Variants in IKZF2 observed in about 807,000 individuals in gnomAD.
IKZF2 encodes IKAROS family zinc finger 2.
In IKZF2, 15 loss-of-function variants were observed where a neutral mutation model predicts 49.2. The observed-to-expected ratio is 0.30, with a 90% confidence interval of 0.20 to 0.47. The LOEUF (loss-of-function observed/expected upper bound fraction) is 0.47. Among genes scored for constraint, IKZF2 ranks in the 20% least tolerant of loss-of-function variants. The pLI is 1.00. For synonymous variants in IKZF2, 227 were observed against 221.4 expected (o/e 1.03, Z -0.23); for missense variants, 567 against 664.6 (o/e 0.85, Z 1.61).
At chr2:213,027,869 T>C (rs753536470) in intron 6 of IKZF2, among the ~76,000 whole-genome samples, 1 of 152,142 alleles carries the variant, frequency 6.6e-6, no homozygotes, top group Non-Finnish European at 1.5e-5. Flanking sequence ...CGTATGTCTC[T>C]GGTCTAAAGT....
At chr2:213,085,992 G>A (rs1704542078) in intron 4 of IKZF2, among the ~76,000 whole-genome samples, 1 of 152,086 alleles carries the variant, frequency 6.6e-6, no homozygotes, top group Non-Finnish European at 1.5e-5. Context: ...GTTCTGCAGT[G>A]GTGAGACGTG....
rs1695074206 is a variant in IKZF2 at position 213,003,515 on chromosome 2, GC to G, written c.*3844del. Reference sequence around the variant, plus strand: ...CCAAAGTTAAAAAACAAATCATGTAGCTAGTACCTCTGACAGTTTAAGTTCT... The same window carrying G: ...CCAAAGTTAAAAAACAAATCATGTAGTAGTACCTCTGACAGTTTAAGTTCT... On this transcript the variant is annotated 3_prime_UTR_variant, in exon 9 of 9. Coordinates refer to ENST00000434687, the MANE Select transcript of IKZF2 (RefSeq NM_001387220.1). 1 of 151,568 alleles carries G rather than the reference GC, an allele frequency of 6.6e-6. No individual in the cohort carries two copies. The highest frequency in any genetic ancestry group is 2.4e-5 in the African/African-American group (1 of 41,364). The allele number at this position is 151,568 out of a possible 1,614,324, so 9.4% of individuals were successfully genotyped here.
At chr2:213,131,268 G>A (rs2060465902) in intron 4 of IKZF2, among the ~76,000 whole-genome samples, 1 of 152,148 alleles carries the variant, frequency 6.6e-6, no homozygotes, top group Non-Finnish European at 1.5e-5. Flanking sequence ...TTAAGGGAGA[G>A]CCATTTGATT....
intron 4 of IKZF2, among the ~76,000 whole-genome samples, chr2:213,098,205 C>G (rs1439603621): frequency 2.6e-5 from 4 of 151,968 alleles, no homozygotes; most frequent in African/African-American, 9.7e-5. Context: ...TTAAACATAT[C>G]CAGATGATTC....
At chr2:213,074,884 A>G (rs575760537) in intron 4 of IKZF2, among the ~76,000 whole-genome samples, 6 of 152,332 alleles carry the variant, frequency 3.9e-5, no homozygotes, top group South Asian at 4.1e-4. Context: ...ATGGTTATTA[A>G]ACGTAAGCCT....
intron 5 of IKZF2, among the ~76,000 whole-genome samples, chr2:213,056,236 C>A (rs1325248050): frequency 7.1e-6 from 1 of 141,818 alleles, no homozygotes; most frequent in East Asian, 1.9e-4. Flanking sequence ...ATATTCCAAC[C>A]TACACACCAG....
At chr2:213,143,012 T>C (rs2060925864) in intron 4 of IKZF2, among the ~76,000 whole-genome samples, 1 of 151,760 alleles carries the variant, frequency 6.6e-6, no homozygotes, top group Non-Finnish European at 1.5e-5. Flanking sequence ...AACAAATACA[T>C]TTAACATAAA....
chr2:213,053,647 G>A (rs1700879734), intron 5 of IKZF2, among the ~76,000 whole-genome samples: 1 of 152,164 alleles, frequency 6.6e-6, no homozygotes, highest in Non-Finnish European at 1.5e-5. Context: ...AGATTAAGGA[G>A]AGGCAAAATT....
chr2:213,032,369 T>C (rs1267624798), intron 6 of IKZF2, among the ~76,000 whole-genome samples: 1 of 152,190 alleles, frequency 6.6e-6, no homozygotes, highest in Non-Finnish European at 1.5e-5. Context: ...CCATAATCTA[T>C]TAAGTGTGCA....
intron 4 of IKZF2, among the ~76,000 whole-genome samples, chr2:213,121,873 T>C (rs976831778): frequency 1.3e-5 from 2 of 152,248 alleles, no homozygotes; most frequent in African/African-American, 4.8e-5. Context: ...TGTCAACAGA[T>C]GCACAAACTC....
At chr2:213,032,971 T>C (rs372963840) in intron 6 of IKZF2, among the ~76,000 whole-genome samples, 5 of 152,312 alleles carry the variant, frequency 3.3e-5, no homozygotes, top group African/African-American at 1.2e-4. Context: ...TTACCCAGAG[T>C]AGAATTTCTT....
At chr2:213,029,294 T>C (rs1698154077) in intron 6 of IKZF2, among the ~76,000 whole-genome samples, 1 of 152,062 alleles carries the variant, frequency 6.6e-6, no homozygotes, top group South Asian at 2.1e-4. Context: ...AGTGAAGTCA[T>C]CTGGAGTTTT....
intron 4 of IKZF2, among the ~76,000 whole-genome samples, chr2:213,136,035 C>A (rs1393956233): frequency 7.6e-6 from 1 of 132,092 alleles, no homozygotes; most frequent in Non-Finnish European, 1.5e-5. Context: ...GGCTACAGAG[C>A]GAGACTCCGT....
At chr2:213,106,404 C>T (rs905894351) in intron 4 of IKZF2, among the ~76,000 whole-genome samples, 1 of 151,678 alleles carries the variant, frequency 6.6e-6, no homozygotes, top group African/African-American at 2.4e-5. Flanking sequence ...TTTGGGAGGC[C>T]GCGGCTGGAG....
At chr2:213,132,317 TC>T (rs2125901773) in intron 4 of IKZF2, among the ~76,000 whole-genome samples, 1 of 143,994 alleles carries the variant, frequency 6.9e-6, no homozygotes, top group African/African-American at 2.6e-5. Context: ...GATAAAGGCA[TC>T]CAAAAAAAAA....
chr2:213,028,870 A>G (rs974696636), intron 6 of IKZF2, among the ~76,000 whole-genome samples: 1 of 152,104 alleles, frequency 6.6e-6, no homozygotes, highest in Non-Finnish European at 1.5e-5. Flanking sequence ...AATTTTTATA[A>G]TATGTGAAAG....
chr2:213,042,923 G>C (rs1444727819), intron 6 of IKZF2, among the ~76,000 whole-genome samples: 1 of 151,862 alleles, frequency 6.6e-6, no homozygotes. Context: ...CATTTTCCAT[G>C]TTACTAGACT....
intron 4 of IKZF2, among the ~76,000 whole-genome samples, chr2:213,071,621 A>G (rs901816839): frequency 6.6e-6 from 1 of 152,112 alleles, no homozygotes; most frequent in African/African-American, 2.4e-5. Flanking sequence ...TCCCACTACA[A>G]GTGTCTGTCT....
intron 4 of IKZF2, among the ~76,000 whole-genome samples, chr2:213,136,370 C>CA (rs11325415): frequency 0.34 from 18,032 of 53,556 alleles, 3,666 homozygotes; most frequent in Non-Finnish European, 0.45. Flanking sequence ...GACACTGTCT[C>CA]AAAAAAAAAA....
Sources: allele counts gnomAD v4.1 joint callset (sites outside exome capture counted in the v4.1 genomes callset), GRCh38; gene constraint gnomAD v4.1.1; transcripts MANE v1.5; gene names NCBI Gene and HGNC (gene_info 2026-07-23, HGNC 2026-07-21).